The following ARHGEF18 variants were observed in gnomAD, a reference collection of about 807,000 sequenced individuals.
ARHGEF18 encodes the protein Rho/Rac guanine nucleotide exchange factor 18.
ARHGEF18 carries 93 observed loss-of-function variants against 155.7 expected under a neutral mutation model. That is an observed-to-expected ratio of 0.60 (90% CI 0.50 to 0.71). ARHGEF18 has a LOEUF of 0.71. Ranked by LOEUF, ARHGEF18 falls within the 30% of genes least tolerant of loss-of-function variation. ARHGEF18 has a pLI of 0.00. For missense variants in ARHGEF18, 1,593 were observed against 1,816.1 expected, an observed-to-expected ratio of 0.88 and a Z score of 2.23; for synonymous variants, 742 against 753.1, an observed-to-expected ratio of 0.99 and a Z score of 0.24.
Position 7,463,713 on chromosome 19 carries a change from C to T in ARHGEF18, c.2636-105C>T. On this transcript the variant is annotated intron_variant, in intron 21 of 28. Transcript: ENST00000668164. The surrounding 1 kb of genome is among the most constrained non-coding windows in gnomAD (Gnocchi z 5.2). The stretch of plus-strand genomic sequence containing the variant: ...AGAAGGGGGCAGGCGATCACCACCC[C>T]AGTGAGTCCCTCCGTCCACCCGGGT... The T allele has an allele frequency of 6.6e-6, 9 of 1,362,908 alleles. No homozygotes were observed. Among genetic ancestry groups the T allele is most frequent in the Non-Finnish European group, 8.9e-6 (9 of 1,014,202 alleles). 84.4% of individuals were successfully genotyped at this position (1,362,908 alleles called of 1,614,324 possible). A position where few individuals can be genotyped will look rare whatever the true frequency, so the allele number is the denominator to read the frequency against.
At chr19:7,403,457 T>G (rs548945885) in intron 10 of ARHGEF18, among the ~76,000 whole-genome samples, 1 of 152,332 alleles carries the variant, frequency 6.6e-6, no homozygotes, top group South Asian at 2.1e-4. Context: ...GTATACTTGA[T>G]GTATTAATGT....
chr19:7,450,703 C>A (rs12983294), intron 15 of ARHGEF18, among the ~76,000 whole-genome samples: 1 of 109,196 alleles, frequency 9.2e-6, no homozygotes, highest in Non-Finnish European at 2.0e-5. Flanking sequence ...TGTCCGTTTC[C>A]GAGATGTTAA....
rs1975424930 is a variant in ARHGEF18, at chr19:7,451,129, T to A, written c.1738-20T>A. The A allele has an allele frequency of 6.5e-7, 1 of 1,534,824 alleles. No homozygotes were observed. Among genetic ancestry groups the A allele is most frequent in the Non-Finnish European group, 8.7e-7 (1 of 1,143,066 alleles). ...CCGTTTCTGAGATGTTAATACAGGATCTTGCTTTCTGTTTCCTAGAAAATT... is the reference window on the plus strand; with the variant it reads ...CCGTTTCTGAGATGTTAATACAGGAACTTGCTTTCTGTTTCCTAGAAAATT... On this transcript the variant is annotated intron_variant, in intron 15 of 28. Transcript: ENST00000668164.
At chr19:7,448,220 G>A (rs1975122081) in intron 15 of ARHGEF18, among the ~76,000 whole-genome samples, 1 of 152,060 alleles carries the variant, frequency 6.6e-6, no homozygotes, top group Non-Finnish European at 1.5e-5. Flanking sequence ...CTGTCTCAAG[G>A]AGGGTTACTC....
At chr19:7,430,072 G>C (rs6603165) in intron 10 of ARHGEF18, among the ~76,000 whole-genome samples, 1 of 151,714 alleles carries the variant, frequency 6.6e-6, no homozygotes, top group Non-Finnish European at 1.5e-5. Context: ...CAGTTTCCCC[G>C]CACATTAATA....
intron 10 of ARHGEF18, among the ~76,000 whole-genome samples, chr19:7,393,636 G>A (rs1289072892): frequency 6.6e-6 from 1 of 151,904 alleles, no homozygotes; most frequent in Non-Finnish European, 1.5e-5. Context: ...CTCAAGACTG[G>A]GGTGTCTGAT....
downstream of ARHGEF18, chr19:7,477,446 A>C: frequency 7.0e-7 from 1 of 1,423,800 alleles, no homozygotes; most frequent in Non-Finnish European, 9.2e-7. Context: ...GCTGTGGGGC[A>C]GAGAGGGGCC....
At chr19:7,358,071 A>G (rs11260002) in intron 1 of ARHGEF18, among the ~76,000 whole-genome samples, 122,523 of 151,652 alleles carry the variant, frequency 0.81, 52,499 homozygotes, top group Non-Finnish European at 0.95. Flanking sequence ...CCATCCCACT[A>G]TCTACCCATT....
intron 2 of ARHGEF18, among the ~76,000 whole-genome samples, chr19:7,365,598 C>T (rs748742109): frequency 5.9e-5 from 9 of 152,270 alleles, no homozygotes; most frequent in South Asian, 4.1e-4. Flanking sequence ...AATGGGGGAA[C>T]GGTGGGCTCT....
At chr19:7,456,777 C>G (rs371792081) in intron 18 of ARHGEF18, among the ~76,000 whole-genome samples, 4 of 152,252 alleles carry the variant, frequency 2.6e-5, no homozygotes, top group African/African-American at 9.6e-5. Flanking sequence ...AAAAAACAGA[C>G]GAAGGGCCCT....
intron 10 of ARHGEF18, among the ~76,000 whole-genome samples, chr19:7,429,118 G>GC (rs1973819984): frequency 1.2e-5 from 1 of 83,958 alleles, no homozygotes; most frequent in Admixed American, 1.2e-4. Context: ...GGGGCCGGGG[G>GC]CTCTGAGGCT....
At position 7,452,453 on chromosome 19, in the gene ARHGEF18, A is replaced by ATTT. The variant is rs1975544828; in HGVS notation, c.1856-1014_1856-1013insTTT. Among the ~76,000 whole-genome samples the ATTT allele has an allele frequency of 7.2e-5, 11 of 151,858 alleles. No homozygotes were observed. In the South Asian group the frequency reaches 2.3e-3, roughly 32 times the overall value. ...TCACAACAGGAGGTGGAGGGAATCT[A>ATTT]ATTTATTTATTTATTTATTTATTTA... is the stretch of plus-strand genomic sequence containing the variant. On this transcript the variant is annotated intron_variant, in intron 16 of 28. Coordinates refer to ENST00000668164, the MANE Select transcript of ARHGEF18 (RefSeq NM_001367823.1).
intron 10 of ARHGEF18, among the ~76,000 whole-genome samples, chr19:7,385,027 G>A (rs1484677094): frequency 6.6e-6 from 1 of 152,190 alleles, no homozygotes; most frequent in Non-Finnish European, 1.5e-5. Context: ...AACAAAGTCA[G>A]TGTGTTGAAG....
chr19:7,416,864 A>G (rs2145652291), intron 10 of ARHGEF18, among the ~76,000 whole-genome samples: 1 of 151,650 alleles, frequency 6.6e-6, no homozygotes, highest in East Asian at 1.9e-4. Flanking sequence ...CAGCCTCCCA[A>G]AGTGTTGGGA....
At chr19:7,437,238 G>C (rs1367577498) in intron 10 of ARHGEF18, among the ~76,000 whole-genome samples, 1 of 152,076 alleles carries the variant, frequency 6.6e-6, no homozygotes, top group East Asian at 1.9e-4. Context: ...AGACCAGCCT[G>C]ACCAACATGG....
intron 10 of ARHGEF18, among the ~76,000 whole-genome samples, chr19:7,407,403 G>A (rs553443256): frequency 6.6e-6 from 1 of 151,008 alleles, no homozygotes; most frequent in East Asian, 1.9e-4. Context: ...CCCAGCCTGG[G>A]TGACAGAGTG....
At chr19:7,452,442 G>A (rs965321437) in intron 16 of ARHGEF18, among the ~76,000 whole-genome samples, 2 of 152,062 alleles carry the variant, frequency 1.3e-5, no homozygotes, top group Non-Finnish European at 2.9e-5. Flanking sequence ...AACAGGAGGT[G>A]GAGGGAATCT....
chr19:7,356,150 G>GCT (rs1018707287), intron 1 of ARHGEF18, among the ~76,000 whole-genome samples: 1 of 151,742 alleles, frequency 6.6e-6, no homozygotes, highest in African/African-American at 2.4e-5. Flanking sequence ...ATCGGCTGGT[G>GCT]CTCTCTCTCT....
chr19:7,360,555 T>G (rs538144128), intron 1 of ARHGEF18, among the ~76,000 whole-genome samples: 1 of 152,288 alleles, frequency 6.6e-6, no homozygotes, highest in African/African-American at 2.4e-5. Context: ...CTTTCACCTT[T>G]GATCTTTGGA....
Sources: gnomAD v4.1 joint callset for allele counts (sites outside exome capture counted in the v4.1 genomes callset) on GRCh38, gnomAD v4.1.1 for gene constraint, Gnocchi (gnomAD v3.1) non-coding constraint, MANE v1.5 for transcripts, NCBI Gene and HGNC (gene_info 2026-07-23, HGNC 2026-07-21) for gene names.